Variants in HSD17B12 observed in about 807,000 individuals in gnomAD.
HSD17B12 encodes the protein very-long-chain 3-oxoacyl-CoA reductase.
Under a neutral mutation model 39.3 loss-of-function variants are expected in HSD17B12, and 32 were observed. The observed-to-expected ratio is 0.81, with a 90% confidence interval of 0.61 to 1.09. HSD17B12 has a LOEUF of 1.09. HSD17B12 is among the 50% of genes least tolerant of loss of function. HSD17B12 has a pLI of 0.00. For missense variants in HSD17B12, 342 were observed against 382.9 expected (o/e 0.89, Z 0.89); for synonymous variants, 150 against 146.7 (o/e 1.02, Z -0.16).
At chr11:43,782,443 G>T (rs1240160362) in intron 3 of HSD17B12, among the ~76,000 whole-genome samples, 1 of 152,160 alleles carries the variant, frequency 6.6e-6, no homozygotes, top group Non-Finnish European at 1.5e-5. Context: ...CACTTTGAGA[G>T]CCCAAGGCAG....
chr11:43,734,067 C>A, intron 1 of HSD17B12: 1 of 931,564 alleles, frequency 1.1e-6, no homozygotes, highest in Non-Finnish European at 1.8e-6. Context: ...CCAACTTCCT[C>A]ATATCTTCAC....
chr11:43,648,183 T>G, the HSD17B12 span, among the ~76,000 whole-genome samples: 1 of 152,304 alleles, frequency 6.6e-6, no homozygotes, highest in African/African-American at 2.4e-5. Context: ...TCTCTCAGTG[T>G]GCCTTTGTGG....
chr11:43,771,391 C>CT (rs1176466577), intron 3 of HSD17B12, among the ~76,000 whole-genome samples: 1 of 145,984 alleles, frequency 6.9e-6, no homozygotes, highest in Non-Finnish European at 1.5e-5. Context: ...CTGTACATGT[C>CT]TTTTGGAGCA....
At chr11:43,624,074 C>T in the HSD17B12 span, among the ~76,000 whole-genome samples, 1 of 151,802 alleles carries the variant, frequency 6.6e-6, no homozygotes, top group Non-Finnish European at 1.5e-5. Context: ...AAATCTTCTA[C>T]CTAAAAAGAA....
intron 3 of HSD17B12, among the ~76,000 whole-genome samples, chr11:43,761,967 A>C (rs1950558940): frequency 6.6e-6 from 1 of 152,202 alleles, no homozygotes; most frequent in South Asian, 2.1e-4. Context: ...AACTTTGGCA[A>C]AGAACATATG....
chr11:43,560,896 T>G, the HSD17B12 span, among the ~76,000 whole-genome samples: 1 of 152,158 alleles, frequency 6.6e-6, no homozygotes, highest in African/African-American at 2.4e-5. Context: ...TCATCTTCCT[T>G]CGTCAAGCGA....
the HSD17B12 span, among the ~76,000 whole-genome samples, chr11:43,666,975 T>C: frequency 6.6e-6 from 1 of 152,210 alleles, no homozygotes; most frequent in Non-Finnish European, 1.5e-5. Flanking sequence ...TTGCTCTTTA[T>C]TCCCTGCAGA....
chr11:43,592,915 G>T, the HSD17B12 span, among the ~76,000 whole-genome samples: 23 of 152,140 alleles, frequency 1.5e-4, no homozygotes, highest in African/African-American at 5.3e-4. Flanking sequence ...GAGGAGAGAG[G>T]CTGTGTTCTC....
At chr11:43,775,070 T>G (rs11037621) in intron 3 of HSD17B12, among the ~76,000 whole-genome samples, 6 of 152,008 alleles carry the variant, frequency 3.9e-5, no homozygotes, top group African/African-American at 1.2e-4. Flanking sequence ...TATTTTGACC[T>G]TGAAGAAGTA....
intron 3 of HSD17B12, among the ~76,000 whole-genome samples, chr11:43,792,078 C>G (rs905954296): frequency 2.6e-5 from 4 of 152,146 alleles, no homozygotes; most frequent in African/African-American, 9.7e-5. Flanking sequence ...ACACAATCAC[C>G]TTTTCCAAAG....
At chr11:43,634,249 G>A in the HSD17B12 span, among the ~76,000 whole-genome samples, 1 of 151,948 alleles carries the variant, frequency 6.6e-6, no homozygotes, top group East Asian at 1.9e-4. Flanking sequence ...CCCTACCAAA[G>A]GATGAGGGAC....
At chr11:43,588,348 C>A in the HSD17B12 span, among the ~76,000 whole-genome samples, 3 of 152,140 alleles carry the variant, frequency 2.0e-5, no homozygotes, top group Non-Finnish European at 4.4e-5. Context: ...CTTGTAAAGT[C>A]TTTGTGTTAG....
At chr11:43,818,405 G>A (rs1951150575) in intron 6 of HSD17B12, among the ~76,000 whole-genome samples, 1 of 152,140 alleles carries the variant, frequency 6.6e-6, no homozygotes, top group South Asian at 2.1e-4. Context: ...TAGCAAGTAT[G>A]AGCATCTCAA....
chr11:43,799,312 G>A (rs1347071516), intron 4 of HSD17B12, among the ~76,000 whole-genome samples: 1 of 152,018 alleles, frequency 6.6e-6, no homozygotes, highest in Non-Finnish European at 1.5e-5. Context: ...TGCCCCAGTT[G>A]AAAATGGATT....
intron 1 of HSD17B12, among the ~76,000 whole-genome samples, chr11:43,688,081 A>G (rs1332352718): frequency 1.3e-5 from 2 of 152,080 alleles, no homozygotes; most frequent in African/African-American, 4.8e-5. Flanking sequence ...GTGTGGTGGT[A>G]TGCACCTGTA....
chr11:43,662,693 G>A, the HSD17B12 span, among the ~76,000 whole-genome samples: 1 of 152,136 alleles, frequency 6.6e-6, no homozygotes, highest in Non-Finnish European at 1.5e-5. Flanking sequence ...GGAATATCAT[G>A]GAAAGGGTCA....
chr11:43,676,243 T>TGTGTG (rs1554958188), upstream of HSD17B12, among the ~76,000 whole-genome samples: 1 of 62,198 alleles, frequency 1.6e-5, no homozygotes, highest in Non-Finnish European at 3.3e-5. Context: ...GTGTATGTGT[T>TGTGTG]AAGCGTAGAG....
the HSD17B12 span, among the ~76,000 whole-genome samples, chr11:43,634,473 G>C: frequency 4.6e-5 from 7 of 152,096 alleles, no homozygotes; most frequent in African/African-American, 1.4e-4. Context: ...CAGTGAATTT[G>C]ACTCTATAGA....
At chr11:43,596,848 TC>T in the HSD17B12 span, among the ~76,000 whole-genome samples, 6 of 152,104 alleles carry the variant, frequency 3.9e-5, no homozygotes, top group Non-Finnish European at 8.8e-5. Context: ...TTTCATCAAG[TC>T]CCCCAAAGGA....
Sources: allele counts gnomAD v4.1 joint callset (sites outside exome capture counted in the v4.1 genomes callset), GRCh38; gene constraint gnomAD v4.1.1; transcripts MANE v1.5; gene names NCBI Gene and HGNC (gene_info 2026-07-23, HGNC 2026-07-21).